The following APOOL variants were observed in gnomAD, a reference collection of about 807,000 sequenced individuals.
APOOL encodes the protein apolipoprotein O like.
Under a neutral mutation model 23.1 loss-of-function variants are expected in APOOL, and 12 were observed. That is an observed-to-expected ratio of 0.52 (90% CI 0.33 to 0.84). The LOEUF (loss-of-function observed/expected upper bound fraction) is 0.84, where lower values mean the gene tolerates loss of function less well. Among genes scored for constraint, APOOL ranks in the 40% least tolerant of loss-of-function variants. The probability of loss-of-function intolerance (pLI) is 0.02; values close to 1 mark genes in which losing one functional copy is unlikely to be tolerated. For missense variants in APOOL, 212 were observed against 199.6 expected (o/e 1.06, Z -0.37); for synonymous variants, 77 against 69.9 (o/e 1.10, Z -0.51).
chrX:85,064,865 G>C (rs1318357918), intron 5 of APOOL, among the ~76,000 whole-genome samples: 1 of 111,384 alleles, frequency 9.0e-6, no homozygotes, highest in Middle Eastern at 4.7e-3. Context: ...TTTTTTGGAG[G>C]GGTGGAGAGT....
rs1232571097 is a variant in APOOL at position 85,089,757 on chromosome X, G to T, written c.*2079G>T. 8 of 110,492 alleles carry T rather than the reference G, an allele frequency of 7.2e-5. No homozygotes were observed. Among genetic ancestry groups the T allele is most frequent in the Non-Finnish European group, 1.3e-4 (7 of 52,910 alleles). 9.1% of individuals were successfully genotyped at this position (110,492 alleles called of 1,213,427 possible). ...ATGTCAATGTGCCTAAAACAAAATTGTCTCTACCTCCCGCTCCTTCAAATC... is the reference window on the plus strand; with the variant it reads ...ATGTCAATGTGCCTAAAACAAAATTTTCTCTACCTCCCGCTCCTTCAAATC... On this transcript the variant is annotated 3_prime_UTR_variant, in exon 9 of 9. Transcript: ENST00000373173.
At chrX:85,012,498 A>G (rs140263409) in intron 1 of APOOL, among the ~76,000 whole-genome samples, 2,886 of 110,975 alleles carry the variant, frequency 0.026, 87 homozygotes, top group African/African-American at 0.088. Flanking sequence ...AATGGCTTTT[A>G]TTACCTTGAG....
rs1183573829 is a variant in APOOL, at chrX:85,090,944, A to G, written c.*3266A>G. 8.9e-6 allele frequency: 1 copy of G among 112,189 alleles called. No homozygotes were observed. The highest frequency in any genetic ancestry group is 1.9e-5 in the Non-Finnish European group (1 of 53,293). 9.2% of individuals were successfully genotyped at this position (112,189 alleles called of 1,213,427 possible). A position where few individuals can be genotyped will look rare whatever the true frequency, so the allele number is the denominator to read the frequency against. The stretch of plus-strand genomic sequence containing the variant: ...GTGCTCAGCCTTTTTTAAAAAAATG[A>G]AGGTATTTGGTATGGCCGGGTATGG... On this transcript the variant is annotated 3_prime_UTR_variant, in exon 9 of 9. Transcript: ENST00000373173.
chrX:85,072,042 G>C (rs1216181866), intron 6 of APOOL, among the ~76,000 whole-genome samples: 1 of 111,890 alleles, frequency 8.9e-6, no homozygotes, highest in Non-Finnish European at 1.9e-5. Flanking sequence ...CTGGGAGGCG[G>C]AGCTTGCAGT....
rs188560564 is a variant in APOOL, at chrX:85,056,235, A to G, written c.394+310A>G. On this transcript the variant is annotated intron_variant, in intron 5 of 8. Transcript: ENST00000373173. ...AAGAGAAAATCAAATTTTGTCTCAT[A>G]TATCAGTATCTCTGTCTCAAATCTT... 1.6e-4 allele frequency among the ~76,000 whole-genome samples: 18 copies of G among 111,331 alleles called. No individual in the cohort carries two copies. In the South Asian group the frequency reaches 2.3e-3, roughly 14 times the overall value.
At chrX:85,025,094 G>A (rs67803722) in intron 1 of APOOL, among the ~76,000 whole-genome samples, 5,628 of 111,615 alleles carry the variant, frequency 0.05, 323 homozygotes, top group African/African-American at 0.17. Flanking sequence ...GCCTCACAAA[G>A]CCTCCAATCA....
chrX:85,009,260 T>G (rs1315207239), intron 1 of APOOL, among the ~76,000 whole-genome samples: 1 of 111,896 alleles, frequency 8.9e-6, no homozygotes, highest in Non-Finnish European at 1.9e-5. Flanking sequence ...TCTTGCCTGA[T>G]TGCTTTGACT....
At chrX:85,049,392 C>T (rs757933818) in intron 2 of APOOL, among the ~76,000 whole-genome samples, 3 of 111,664 alleles carry the variant, frequency 2.7e-5, no homozygotes, top group Non-Finnish European at 1.9e-5. Context: ...GGTTCTTAAC[C>T]ATTCTGACCC....
At chrX:85,058,541 G>A (rs773375050) in intron 5 of APOOL, among the ~76,000 whole-genome samples, 22 of 111,700 alleles carry the variant, frequency 2.0e-4, no homozygotes, top group South Asian at 7.4e-4. Flanking sequence ...ACATATGCAC[G>A]CATGTATCTT....
chrX:85,061,112 G>A (rs2039701046), intron 5 of APOOL, among the ~76,000 whole-genome samples: 1 of 111,262 alleles, frequency 9.0e-6, no homozygotes, highest in African/African-American at 3.3e-5. Flanking sequence ...TTTTGTCAAA[G>A]GCCTTTTCTG....
chrX:85,041,467 C>T (rs1445687095), intron 1 of APOOL, among the ~76,000 whole-genome samples: 1 of 111,273 alleles, frequency 9.0e-6, no homozygotes, highest in Non-Finnish European at 1.9e-5. Context: ...TGTTAGGATC[C>T]CAGGCCAGTG....
intron 1 of APOOL, among the ~76,000 whole-genome samples, chrX:85,006,403 T>G (rs1351984697): frequency 9.0e-6 from 1 of 110,835 alleles, no homozygotes; most frequent in Non-Finnish European, 1.9e-5. Flanking sequence ...AAGAACTAGG[T>G]TCAAACAGTA....
Position 85,092,412 on chromosome X carries a change from C to T in APOOL, c.*4734C>T. 1 of 1,176,952 alleles carries T rather than the reference C, an allele frequency of 8.5e-7. No individual in the cohort carries two copies. The highest frequency in any genetic ancestry group is 1.1e-6 in the Non-Finnish European group (1 of 878,182). On this transcript the variant is annotated 3_prime_UTR_variant, in exon 9 of 9. Transcript: ENST00000373173. ...TCTTTCATTCTTCCCATGCCATGTCCAGGAGTTCTTCTCTGTTAAACCTGA... is the reference window on the plus strand; with the variant it reads ...TCTTTCATTCTTCCCATGCCATGTCTAGGAGTTCTTCTCTGTTAAACCTGA...
chrX:85,026,204 A>G (rs769949342), intron 1 of APOOL, among the ~76,000 whole-genome samples: 3 of 113,502 alleles, frequency 2.6e-5, no homozygotes, highest in Non-Finnish European at 3.7e-5. Flanking sequence ...GGTAGCCTGA[A>G]CTCAACCAGG....
chrX:85,053,180 A>T (rs1199979783), intron 3 of APOOL, among the ~76,000 whole-genome samples: 1 of 111,552 alleles, frequency 9.0e-6, no homozygotes, highest in Non-Finnish European at 1.9e-5. Flanking sequence ...ATGTGGTAAA[A>T]ATGAATTCCT....
chrX:85,031,829 A>G (rs1922047603), intron 1 of APOOL, among the ~76,000 whole-genome samples: 1 of 112,242 alleles, frequency 8.9e-6, no homozygotes, highest in Non-Finnish European at 1.9e-5. Flanking sequence ...AGATCAGTTC[A>G]GCATTTCTGT....
rs1192337547 is a variant in APOOL at position 85,088,155 on chromosome X, C to CAT, written c.*479_*480dup. On this transcript the variant is annotated 3_prime_UTR_variant, in exon 9 of 9. Coordinates refer to ENST00000373173, the MANE Select transcript of APOOL (RefSeq NM_198450.6). ...ATATTTATACATATATGTATAAATA[C>CAT]ATACATATTTATACATATATGTATA... 11 of 8,556 alleles carry CAT rather than the reference C, an allele frequency of 1.3e-3. No individual in the cohort carries two copies. Among genetic ancestry groups the CAT allele is most frequent in the African/African-American group, 0.011 (9 of 789 alleles). The allele number at this position is 8,556 out of a possible 1,213,427, so 0.7% of individuals were successfully genotyped here. A position where few individuals can be genotyped will look rare whatever the true frequency, so the allele number is the denominator to read the frequency against.
At chrX:85,033,190 C>T (rs1291491689) in intron 1 of APOOL, among the ~76,000 whole-genome samples, 1 of 112,025 alleles carries the variant, frequency 8.9e-6, no homozygotes, top group Non-Finnish European at 1.9e-5. Flanking sequence ...TTTCTGTTCT[C>T]CAAAGGCCAC....
intron 5 of APOOL, among the ~76,000 whole-genome samples, chrX:85,062,849 C>G (rs767574423): frequency 1.8e-5 from 2 of 111,107 alleles, no homozygotes; most frequent in East Asian, 5.7e-4. Context: ...TATATGAGCT[C>G]TTTGTTGGTT....
Sources: gnomAD v4.1 joint callset for allele counts (sites outside exome capture counted in the v4.1 genomes callset) on GRCh38, gnomAD v4.1.1 for gene constraint, MANE v1.5 for transcripts, NCBI Gene and HGNC (gene_info 2026-07-23, HGNC 2026-07-21) for gene names.